NFATC3: variants seen among roughly 807,000 people sequenced by gnomAD.
The protein encoded by NFATC3 is nuclear factor of activated T cells 3.
NFATC3 carries 46 observed loss-of-function variants against 98.6 expected under a neutral mutation model. That is an observed-to-expected ratio of 0.47 (90% CI 0.37 to 0.60). The LOEUF is 0.60. NFATC3 is among the 20% of genes least tolerant of loss of function. The pLI is 0.00. For synonymous variants in NFATC3, 512 were observed against 472.2 expected (o/e 1.08, Z -1.09); for missense variants, 1,256 against 1,295.5 (o/e 0.97, Z 0.47).
intron 6 of NFATC3, 66 bp downstream of exon 6, chr16:68,174,580 G>A: frequency 3.9e-6 from 5 of 1,287,232 alleles, no homozygotes; most frequent in Non-Finnish European, 4.1e-6. Context: ...TTATTTAGAT[G>A]TTTCTGTAAC....
chr16:68,183,489 A>T lies in NFATC3; in HGVS notation c.2098+123A>T, dbSNP rs1029509577. On this transcript the variant is annotated intron_variant, in intron 8 of 9. Coordinates refer to ENST00000346183, the MANE Select transcript of NFATC3 (RefSeq NM_173165.3). ...TTATAAACAATGAAAACACCAACAG[A>T]TGCCCACTCTAAAGTTTTTGTTGAC... The T allele has an allele frequency of 3.3e-5, 33 of 997,018 alleles. 2 individuals are homozygous for T. In the Middle Eastern group the frequency reaches 4.1e-3, roughly 123 times the overall value. The allele number at this position is 997,018 out of a possible 1,614,324, so 61.8% of individuals were successfully genotyped here.
intron 6 of NFATC3, among the ~76,000 whole-genome samples, chr16:68,178,088 T>C (rs2039798085): frequency 6.6e-6 from 1 of 152,176 alleles, no homozygotes; most frequent in Non-Finnish European, 1.5e-5. Context: ...TCTACTTATT[T>C]TTCTTCTCAT....
chr16:68,188,751 C>T (rs2040319382), intron 8 of NFATC3, among the ~76,000 whole-genome samples: 1 of 152,118 alleles, frequency 6.6e-6, no homozygotes, highest in African/African-American at 2.4e-5. Flanking sequence ...TCTTGTTGCC[C>T]AGGCTGGAAT....
intron 3 of NFATC3, among the ~76,000 whole-genome samples, chr16:68,148,887 T>C (rs933404367): frequency 6.6e-6 from 1 of 152,096 alleles, no homozygotes; most frequent in Non-Finnish European, 1.5e-5. Context: ...CTCATGCCTG[T>C]AGTTCCAGCT....
At chr16:68,173,337 C>T (rs563216464) in intron 5 of NFATC3, among the ~76,000 whole-genome samples, 10 of 152,102 alleles carry the variant, frequency 6.6e-5, no homozygotes, top group Admixed American at 1.3e-4. Flanking sequence ...GAGGCTGAGG[C>T]GGGCAGATCA....
At chr16:68,100,011 T>C (rs999099703) in intron 1 of NFATC3, among the ~76,000 whole-genome samples, 7 of 152,230 alleles carry the variant, frequency 4.6e-5, no homozygotes, top group Admixed American at 2.0e-4. Flanking sequence ...TCTTCACTCA[T>C]TGCCTGGCGA....
intron 7 of NFATC3, among the ~76,000 whole-genome samples, chr16:68,181,979 GTAAAT>G (rs771423088): frequency 2.3e-4 from 35 of 152,198 alleles, no homozygotes; most frequent in East Asian, 3.9e-4. Flanking sequence ...TAGTATTAAA[GTAAAT>G]TAAATTAAAG....
At chr16:68,093,459 A>G (rs1348413489) in intron 1 of NFATC3, among the ~76,000 whole-genome samples, 1 of 152,230 alleles carries the variant, frequency 6.6e-6, no homozygotes, top group Non-Finnish European at 1.5e-5. Context: ...GGTCTTCTCC[A>G]GTAAGTTGCT....
At position 68,190,877 on chromosome 16, in the gene NFATC3, A is replaced by T. The variant is rs1183775671; in HGVS notation, c.2208A>T (p.Ser736=). 6.8e-6 allele frequency: 11 copies of T among 1,614,102 alleles called. No individual in the cohort carries two copies. The highest frequency in any genetic ancestry group is 1.7e-5 in the Admixed American group (1 of 60,012). ...TQRPSSDSGC[S]HDSVLSGQRS... Reference sequence around the variant, plus strand: ...GGCCTTCCTCTGATTCAGGGTGTTCACATGACAGTGTACTGTCAGGACAGA... The same window carrying T: ...GGCCTTCCTCTGATTCAGGGTGTTCTCATGACAGTGTACTGTCAGGACAGA... Residue 736 remains serine, a synonymous_variant, in exon 9 of 10, where the codon TCA becomes TCT. Transcript: ENST00000346183.
chr16:68,114,004 G>A (rs761784597), intron 1 of NFATC3, among the ~76,000 whole-genome samples: 12 of 152,190 alleles, frequency 7.9e-5, no homozygotes, highest in Non-Finnish European at 1.6e-4. Flanking sequence ...CTTAGGCAGT[G>A]TCCAGCCTGC....
At chr16:68,098,522 A>G (rs1211984015) in intron 1 of NFATC3, among the ~76,000 whole-genome samples, 2 of 152,020 alleles carry the variant, frequency 1.3e-5, no homozygotes, top group Non-Finnish European at 2.9e-5. Context: ...GGATGGTCAC[A>G]ATCTCCTGAG....
At chr16:68,134,839 G>A (rs2151526261) in intron 3 of NFATC3, among the ~76,000 whole-genome samples, 1 of 152,078 alleles carries the variant, frequency 6.6e-6, no homozygotes, top group Admixed American at 6.5e-5. Flanking sequence ...TTTTCTTGCA[G>A]ACTTGTTTTC....
intron 9 of NFATC3, among the ~76,000 whole-genome samples, chr16:68,198,218 T>C (rs2040755011): frequency 6.6e-6 from 1 of 152,040 alleles, no homozygotes; most frequent in African/African-American, 2.4e-5. Flanking sequence ...CTTGGGAGGC[T>C]GAAGTGGGAA....
chr16:68,124,828 A>G (rs1263455859), intron 2 of NFATC3, among the ~76,000 whole-genome samples: 1 of 150,560 alleles, frequency 6.6e-6, no homozygotes, highest in Non-Finnish European at 1.5e-5. Flanking sequence ...CTTCCAGGTT[A>G]AGCAATTCTC....
At chr16:68,089,275 C>A in intron 1 of NFATC3, 1 of 985,246 alleles carries the variant, frequency 1.0e-6, no homozygotes, top group Non-Finnish European at 1.2e-6. Context: ...TGTTAAAGTG[C>A]TAATTAGATG....
intron 1 of NFATC3, among the ~76,000 whole-genome samples, chr16:68,091,933 A>G (rs1005329440): frequency 6.6e-6 from 1 of 152,200 alleles, no homozygotes; most frequent in Non-Finnish European, 1.5e-5. Context: ...GAGGCTTGGG[A>G]GAGTCACAAG....
At chr16:68,135,357 C>G (rs552430747) in intron 3 of NFATC3, among the ~76,000 whole-genome samples, 1 of 148,590 alleles carries the variant, frequency 6.7e-6, no homozygotes, top group Admixed American at 6.8e-5. Context: ...ACTCGGGAGG[C>G]TGAGGCAGGA....
intron 3 of NFATC3, among the ~76,000 whole-genome samples, chr16:68,147,907 A>G (rs974686689): frequency 6.6e-6 from 1 of 152,166 alleles, no homozygotes; most frequent in Non-Finnish European, 1.5e-5. Context: ...GCCGCCAGAT[A>G]AACCAAAAGA....
chr16:68,199,033 C>A (rs779817323), intron 9 of NFATC3, among the ~76,000 whole-genome samples: 1 of 151,288 alleles, frequency 6.6e-6, no homozygotes, highest in Non-Finnish European at 1.5e-5. Flanking sequence ...GGCAACAGAG[C>A]GAGACTCCAT....
Sources: allele counts gnomAD v4.1 joint callset (sites outside exome capture counted in the v4.1 genomes callset), GRCh38; gene constraint gnomAD v4.1.1; transcripts MANE v1.5; gene names NCBI Gene and HGNC (gene_info 2026-07-23, HGNC 2026-07-21).